DLGAP4: variants seen among roughly 807,000 people sequenced by gnomAD.
The protein encoded by DLGAP4 is DLG associated protein 4.
A neutral mutation model predicts 86.9 loss-of-function variants in DLGAP4; 18 were observed. The ratio of observed to expected loss-of-function variants is 0.21; its 90% CI spans 0.14 to 0.31. The LOEUF (loss-of-function observed/expected upper bound fraction) is 0.31. DLGAP4 is among the 10% of genes least tolerant of loss of function. The pLI, the probability that DLGAP4 is intolerant of heterozygous loss-of-function variation, is 1.00. For synonymous variants in DLGAP4, 548 were observed against 574.3 expected, an observed-to-expected ratio of 0.95 and a Z score of 0.65; for missense variants, 1,085 against 1,362.6, an observed-to-expected ratio of 0.80 and a Z score of 3.21.
At chr20:36,469,663 G>C (rs1252495619) in intron 7 of DLGAP4, among the ~76,000 whole-genome samples, 2 of 150,762 alleles carry the variant, frequency 1.3e-5, no homozygotes, top group Non-Finnish European at 2.9e-5. Flanking sequence ...TGAGGCGGGA[G>C]AATTGCTTGA....
At chr20:36,446,607 C>T (rs2033597762) in intron 6 of DLGAP4, 90 bp from the exon 7 acceptor site, 7 of 1,285,108 alleles carry the variant, frequency 5.4e-6, no homozygotes. Context: ...CACAGACTGT[C>T]CAGCCCTGCC....
chr20:36,372,216 G>T lies in DLGAP4; in HGVS notation c.-73+4941G>T, dbSNP rs75730927. Among the ~76,000 whole-genome samples, 14 of 152,350 alleles carry T rather than the reference G, an allele frequency of 9.2e-5. No homozygotes were observed. In the East Asian group the frequency reaches 2.7e-3, roughly 29 times the overall value. ...CCAGGCTTGCATCCCTGACGGTGCT[G>T]CTGCTGTTATGACTGTGACTGCTAA... is the stretch of plus-strand genomic sequence containing the variant. On this transcript the variant is annotated intron_variant, in intron 2 of 12. Transcript: ENST00000339266.
At chr20:36,349,794 C>G (rs2030087788) in intron 1 of DLGAP4, among the ~76,000 whole-genome samples, 1 of 152,148 alleles carries the variant, frequency 6.6e-6, no homozygotes, top group Non-Finnish European at 1.5e-5. Context: ...TCATAAGTAT[C>G]CCTGTTGGGA....
At chr20:36,457,203 G>A (rs1174028533) in intron 7 of DLGAP4, among the ~76,000 whole-genome samples, 2 of 151,882 alleles carry the variant, frequency 1.3e-5, no homozygotes, top group Non-Finnish European at 2.9e-5. Context: ...AGCTCATTGA[G>A]AGGGAGATTT....
At chr20:36,503,546 G>A (rs1316172611) in intron 10 of DLGAP4, among the ~76,000 whole-genome samples, 1 of 136,970 alleles carries the variant, frequency 7.3e-6, no homozygotes, top group Non-Finnish European at 1.5e-5. Flanking sequence ...GGAGTGCAGT[G>A]GCGCGATCTT....
intron 2 of DLGAP4, among the ~76,000 whole-genome samples, chr20:36,409,781 C>A (rs563416487): frequency 2.0e-5 from 3 of 151,686 alleles, no homozygotes; most frequent in African/African-American, 7.2e-5. Context: ...AGCCTGTAAT[C>A]CCAGCACTTT....
intron 2 of DLGAP4, among the ~76,000 whole-genome samples, chr20:36,428,254 T>C (rs1335088657): frequency 6.6e-6 from 1 of 152,226 alleles, no homozygotes; most frequent in Non-Finnish European, 1.5e-5. Context: ...ATTAAATTAA[T>C]TAAACTTTTT....
intron 7 of DLGAP4, among the ~76,000 whole-genome samples, chr20:36,489,579 G>A (rs981400055): frequency 1.5e-5 from 2 of 131,688 alleles, no homozygotes; most frequent in Non-Finnish European, 3.4e-5. Context: ...ATGGTTTCAG[G>A]TTGTGGTGCC....
chr20:36,377,399 C>T (rs1389236651), intron 2 of DLGAP4, among the ~76,000 whole-genome samples: 3 of 152,180 alleles, frequency 2.0e-5, no homozygotes, highest in Non-Finnish European at 4.4e-5. Flanking sequence ...ATCTGTAATA[C>T]AAGGATAACA....
chr20:36,325,739 C>T (rs1335829007), intron 1 of DLGAP4, among the ~76,000 whole-genome samples: 2 of 146,504 alleles, frequency 1.4e-5, no homozygotes, highest in Non-Finnish European at 3.0e-5. Context: ...TTTTTTGAGA[C>T]TGAGTCTCGC....
intron 7 of DLGAP4, among the ~76,000 whole-genome samples, chr20:36,491,745 C>G (rs1403586816): frequency 2.0e-5 from 3 of 152,298 alleles, no homozygotes; most frequent in Non-Finnish European, 2.9e-5. Context: ...ACCTTGGATA[C>G]TAAAGTGTTG....
chr20:36,438,272 G>A (rs963326940), intron 4 of DLGAP4, among the ~76,000 whole-genome samples: 2 of 151,916 alleles, frequency 1.3e-5, no homozygotes, highest in African/African-American at 4.8e-5. Flanking sequence ...TACTAGGGAG[G>A]CTGAGGCATG....
intron 8 of DLGAP4, 34 bp downstream of exon 8, chr20:36,497,100 C>T (rs751144745): frequency 3.9e-6 from 6 of 1,550,506 alleles, no homozygotes; most frequent in East Asian, 4.5e-5. Flanking sequence ...TGTCCTCAGC[C>T]CACTCCGTGC....
At chr20:36,525,693 G>T in intron 11 of DLGAP4, 158 bp from the exon 12 acceptor site, 2 of 966,572 alleles carry the variant, frequency 2.1e-6, no homozygotes, top group Non-Finnish European at 3.0e-6. Flanking sequence ...ACCAGAACTG[G>T]CTTAGATTCA....
intron 2 of DLGAP4, among the ~76,000 whole-genome samples, chr20:36,379,807 C>T (rs527347100): frequency 2.6e-5 from 4 of 152,162 alleles, no homozygotes; most frequent in African/African-American, 7.2e-5. Context: ...CTAATAATAC[C>T]GAATCAGTTG....
At chr20:36,465,047 AT>A (rs969715828) in intron 7 of DLGAP4, among the ~76,000 whole-genome samples, 4 of 151,536 alleles carry the variant, frequency 2.6e-5, no homozygotes, top group South Asian at 2.1e-4. Flanking sequence ...GAGATTATGT[AT>A]TTTTTTTTAA....
intron 2 of DLGAP4, among the ~76,000 whole-genome samples, chr20:36,413,582 A>AT (rs1250065408): frequency 2.7e-5 from 4 of 149,454 alleles, no homozygotes; most frequent in Non-Finnish European, 4.5e-5. Flanking sequence ...GGCCCAGCTA[A>AT]TTTTTTGTTT....
At chr20:36,467,015 CTCCT>C (rs1569509561) in intron 7 of DLGAP4, among the ~76,000 whole-genome samples, 2 of 92,162 alleles carry the variant, frequency 2.2e-5, no homozygotes, top group East Asian at 2.6e-4. Flanking sequence ...CTCTCTCTCT[CTCCT>C]CTCTCTCTCT....
rs2065366186 is a variant in DLGAP4, at chr20:36,340,360, G to A, written c.-303-26685G>A. Among the ~76,000 whole-genome samples the A allele has an allele frequency of 2.6e-5, 4 of 152,138 alleles. No homozygotes were observed. In the South Asian group the frequency reaches 8.3e-4, roughly 31 times the overall value. On this transcript the variant is annotated intron_variant, in intron 1 of 12. Transcript: ENST00000339266. ...ACTGCAGGCTGGGCCAAGGCTGCCCGGCCCCATGCTGTGGTTCCCCGCACG... is the reference window on the plus strand; with the variant it reads ...ACTGCAGGCTGGGCCAAGGCTGCCCAGCCCCATGCTGTGGTTCCCCGCACG...
Sources: gnomAD v4.1 joint callset for allele counts (sites outside exome capture counted in the v4.1 genomes callset) on GRCh38, gnomAD v4.1.1 for gene constraint, MANE v1.5 for transcripts, NCBI Gene and HGNC (gene_info 2026-07-23, HGNC 2026-07-21) for gene names.